ASB18: variants seen among roughly 807,000 people sequenced by gnomAD.
ASB18 encodes ankyrin repeat and SOCS box protein 18.
In ASB18, 33 loss-of-function variants were observed where a neutral mutation model predicts 33.4. The ratio of observed to expected loss-of-function variants is 0.99; its 90% CI spans 0.75 to 1.32. The LOEUF is 1.32. ASB18 is among the 40% of genes most tolerant of loss of function. ASB18 has a pLI of 0.00. For synonymous variants in ASB18, 295 were observed against 307.6 expected, an observed-to-expected ratio of 0.96 and a Z score of 0.43; for missense variants, 694 against 655.5, an observed-to-expected ratio of 1.06 and a Z score of -0.64.
At position 236,228,250 on chromosome 2, in the gene ASB18, C is replaced by T. The variant is rs1340553054; in HGVS notation, c.596+9439G>A. Among the ~76,000 whole-genome samples the T allele has an allele frequency of 1.3e-5, 2 of 152,136 alleles. No individual in the cohort carries two copies. The highest frequency in any genetic ancestry group is 4.8e-5 in the African/African-American group (2 of 41,416). On this transcript the variant is annotated intron_variant, in intron 3 of 5. Coordinates refer to ENST00000409749, the MANE Select transcript of ASB18 (RefSeq NM_212556.4). The surrounding 1 kb of genome is among the most constrained non-coding windows in gnomAD (Gnocchi z 5.1). ...GTGTCACAAGGTTGGAACTTACTCC[C>T]CAATATGATTGGCAGTATTGGATTT... is the stretch of plus-strand genomic sequence containing the variant.
At chr2:236,233,733 C>G (rs1219840025) in intron 3 of ASB18, among the ~76,000 whole-genome samples, 1 of 152,106 alleles carries the variant, frequency 6.6e-6, no homozygotes, top group Non-Finnish European at 1.5e-5. Flanking sequence ...TCCCTAAAAA[C>G]TATCAAACAC....
Position 236,221,168 on chromosome 2 carries a change from C to T in ASB18, c.597-6302G>A, listed in dbSNP as rs185030451. ...GGATATGAACTCCAGCCCCCACTAT[C>T]CAGTGGTGAATACAAGGACTCCACA... On this transcript the variant is annotated intron_variant, in intron 3 of 5. Transcript: ENST00000409749. The surrounding 1 kb of genome is among the most constrained non-coding windows in gnomAD (Gnocchi z 5.6). Among the ~76,000 whole-genome samples, 283 of 152,194 alleles carry T rather than the reference C, an allele frequency of 1.9e-3. 4 individuals carry two copies. Among genetic ancestry groups the T allele is most frequent in the Non-Finnish European group, 2.2e-3 (150 of 68,008 alleles).
rs1488425705 is a variant in ASB18, at chr2:236,228,312, A to T, written c.596+9377T>A. Among the ~76,000 whole-genome samples the T allele has an allele frequency of 1.3e-5, 2 of 150,458 alleles. No homozygotes were observed. Among genetic ancestry groups the T allele is most frequent in the Non-Finnish European group, 2.9e-5 (2 of 67,956 alleles). ...AAAGGGCCTCTGGGCTCTCAGGCTG[A>T]GGGTTCTATGAAGGGGACCCCAGCA... On this transcript the variant is annotated intron_variant, in intron 3 of 5. Transcript: ENST00000409749. This position sits in a 1 kb window ranked among gnomAD's most constrained non-coding sequence, Gnocchi z 5.1.
In ASB18 at chr2:236,264,399, C is replaced by G; in HGVS notation, c.-54G>C. On this transcript the variant is annotated 5_prime_UTR_variant, in exon 1 of 6. Coordinates refer to ENST00000409749, the MANE Select transcript of ASB18 (RefSeq NM_212556.4). This position sits in a 1 kb window ranked among gnomAD's most constrained non-coding sequence, Gnocchi z 5.1. ...CTTCTTTTCTTCCTCTAAAGCGACTCCAAAGTCAGCAGCTGTCCGTGAGAG... is the reference window on the plus strand; with the variant it reads ...CTTCTTTTCTTCCTCTAAAGCGACTGCAAAGTCAGCAGCTGTCCGTGAGAG... The G allele has an allele frequency of 6.6e-7, 1 of 1,503,830 alleles. No individual in the cohort carries two copies. Among genetic ancestry groups the G allele is most frequent in the Non-Finnish European group, 9.2e-7 (1 of 1,081,976 alleles). The allele number at this position is 1,503,830 out of a possible 1,614,324, so 93.2% of individuals were successfully genotyped here. A position where few individuals can be genotyped will look rare whatever the true frequency, so the allele number is the denominator to read the frequency against.
Position 236,214,965 on chromosome 2 carries a change from GAA to G in ASB18, c.597-101_597-100del. On this transcript the variant is annotated intron_variant, in intron 3 of 5. Transcript: ENST00000409749. This position sits in a 1 kb window ranked among gnomAD's most constrained non-coding sequence, Gnocchi z 6.5. ...GCAAAATATCAAGTGACCTCTGAATGAAAAGACATGCTCCGCTCTCCCATACC... is the reference window on the plus strand; with the variant it reads ...GCAAAATATCAAGTGACCTCTGAATGAAGACATGCTCCGCTCTCCCATACC... 1 of 871,960 alleles carries G rather than the reference GAA, an allele frequency of 1.1e-6. No homozygotes were observed. The highest frequency in any genetic ancestry group is 1.4e-6 in the Non-Finnish European group (1 of 695,678). The allele number at this position is 871,960 out of a possible 1,614,324, so 54.0% of individuals were successfully genotyped here.
Position 236,256,962 on chromosome 2 carries a change from C to T in ASB18, c.205+7179G>A, listed in dbSNP as rs2060695454. Among the ~76,000 whole-genome samples the T allele has an allele frequency of 6.6e-6, 1 of 152,202 alleles. No individual in the cohort carries two copies. Among genetic ancestry groups the T allele is most frequent in the East Asian group, 1.9e-4 (1 of 5,184 alleles). On this transcript the variant is annotated intron_variant, in intron 1 of 5. Transcript: ENST00000409749. The surrounding 1 kb of genome is among the most constrained non-coding windows in gnomAD (Gnocchi z 4.7). The stretch of plus-strand genomic sequence containing the variant: ...ATTCTAGGTGGTGGGAGATATTTTT[C>T]TGTATTTAAAGAGAGGGCTGCTGCA...
In ASB18 at chr2:236,217,983, C is replaced by A. The variant is rs1181604563; in HGVS notation, c.597-3117G>T. On this transcript the variant is annotated intron_variant, in intron 3 of 5. Transcript: ENST00000409749. This position sits in a 1 kb window ranked among gnomAD's most constrained non-coding sequence, Gnocchi z 5.2. ...GCCTGTGTGCACTTGCAAACAATTACAAAACATTTTCTTCTTTTTAAAGAA... is the reference window on the plus strand; with the variant it reads ...GCCTGTGTGCACTTGCAAACAATTAAAAAACATTTTCTTCTTTTTAAAGAA... Among the ~76,000 whole-genome samples the A allele has an allele frequency of 1.3e-5, 2 of 152,204 alleles. No homozygotes were observed. The highest frequency in any genetic ancestry group is 2.4e-5 in the African/African-American group (1 of 41,456).
rs1415658179 is a variant in ASB18, at chr2:236,222,547, G to A, written c.597-7681C>T. On this transcript the variant is annotated intron_variant, in intron 3 of 5. Coordinates refer to ENST00000409749, the MANE Select transcript of ASB18 (RefSeq NM_212556.4). The surrounding 1 kb of genome is among the most constrained non-coding windows in gnomAD (Gnocchi z 5.5). ...GCTCCACTGTGTGCCCCATGATATA[G>A]TTTGGATATTTATCACTGCTGAAAT... Among the ~76,000 whole-genome samples the A allele has an allele frequency of 6.6e-6, 1 of 152,186 alleles. No individual in the cohort carries two copies. The highest frequency in any genetic ancestry group is 1.5e-5 in the Non-Finnish European group (1 of 68,038).
rs1012544391 is a variant in ASB18, at chr2:236,200,647, C to G, written c.1102-4262G>C. On this transcript the variant is annotated intron_variant, in intron 4 of 5. Transcript: ENST00000409749. This position sits in a 1 kb window ranked among gnomAD's most constrained non-coding sequence, Gnocchi z 4.2. The stretch of plus-strand genomic sequence containing the variant: ...TCCTGCTGCCGGGACACCCCACTGG[C>G]TATACCCAGCTGGAAGGCAGAGGGC... Among the ~76,000 whole-genome samples, 3 of 152,188 alleles carry G rather than the reference C, an allele frequency of 2.0e-5. No homozygotes were observed. Among genetic ancestry groups the G allele is most frequent in the Non-Finnish European group, 4.4e-5 (3 of 68,030 alleles).
chr2:236,225,148 G>A lies in ASB18; in HGVS notation c.597-10282C>T, dbSNP rs1378670098. 6.6e-6 allele frequency among the ~76,000 whole-genome samples: 1 copy of A among 152,082 alleles called. No homozygotes were observed. The highest frequency in any genetic ancestry group is 1.5e-5 in the Non-Finnish European group (1 of 68,028). ...TTATTTTTTGTTTTTTTAAGACAGAGTCTCACTCTGTCACTCAGGTTGCAG... is the reference window on the plus strand; with the variant it reads ...TTATTTTTTGTTTTTTTAAGACAGAATCTCACTCTGTCACTCAGGTTGCAG... On this transcript the variant is annotated intron_variant, in intron 3 of 5. Transcript: ENST00000409749. This position sits in a 1 kb window ranked among gnomAD's most constrained non-coding sequence, Gnocchi z 5.1.
At position 236,239,025 on chromosome 2, in the gene ASB18, C is replaced by T. The variant is rs867192106; in HGVS notation, c.329-1069G>A. 5.3e-5 allele frequency among the ~76,000 whole-genome samples: 8 copies of T among 152,228 alleles called. No homozygotes were observed. The South Asian group carries it at 1.0e-3, about 20-fold the overall frequency. ...TGTGCACTCAGTGGGGGAAGGGGGG[C>T]CTGTGGGACTGGCATGGAATGGTGG... On this transcript the variant is annotated intron_variant, in intron 2 of 5. Transcript: ENST00000409749. This position sits in a 1 kb window ranked among gnomAD's most constrained non-coding sequence, Gnocchi z 5.6.
Position 236,228,603 on chromosome 2 carries a change from G to A in ASB18, c.596+9086C>T, listed in dbSNP as rs1465233628. Among the ~76,000 whole-genome samples the A allele has an allele frequency of 6.6e-6, 1 of 152,160 alleles. No individual in the cohort carries two copies. Among genetic ancestry groups the A allele is most frequent in the Non-Finnish European group, 1.5e-5 (1 of 68,038 alleles). On this transcript the variant is annotated intron_variant, in intron 3 of 5. Coordinates refer to ENST00000409749, the MANE Select transcript of ASB18 (RefSeq NM_212556.4). The surrounding 1 kb of genome is among the most constrained non-coding windows in gnomAD (Gnocchi z 5.1). The stretch of plus-strand genomic sequence containing the variant: ...TGTGTGCATAGAGGTTGAGAGTGTG[G>A]GCTGGTGGATTTCTACCAGAAAGTT...
intron 4 of ASB18, among the ~76,000 whole-genome samples, chr2:236,198,993 C>T (rs1289423023): frequency 3.3e-5 from 5 of 152,156 alleles, no homozygotes; most frequent in Non-Finnish European, 7.3e-5. Context: ...ATAAATATAA[C>T]CTTGAACATT....
Position 236,217,619 on chromosome 2 carries a change from A to T in ASB18, c.597-2753T>A, listed in dbSNP as rs1338737623. Among the ~76,000 whole-genome samples, 4 of 151,896 alleles carry T rather than the reference A, an allele frequency of 2.6e-5. No homozygotes were observed. ...CTGCTTTTCCTACTATATTAACCTA[A>T]CTGGGGCTCTGAACAAGATCATCCA... On this transcript the variant is annotated intron_variant, in intron 3 of 5. Transcript: ENST00000409749. This position sits in a 1 kb window ranked among gnomAD's most constrained non-coding sequence, Gnocchi z 5.2.
intron 2 of ASB18, among the ~76,000 whole-genome samples, chr2:236,240,073 G>A (rs1015917753): frequency 6.6e-6 from 1 of 152,262 alleles, no homozygotes; most frequent in African/African-American, 2.4e-5. Context: ...GGGAGGGAAG[G>A]AGGAAACTGA....
In ASB18 at chr2:236,238,569, C is replaced by T. The variant is rs964279875; in HGVS notation, c.329-613G>A. ...AAGCACACTTTGATGTGGTGGTCCA[C>T]ATTCAGCACAATCCTGGTTTGTTTC... On this transcript the variant is annotated intron_variant, in intron 2 of 5. Transcript: ENST00000409749. This position sits in a 1 kb window ranked among gnomAD's most constrained non-coding sequence, Gnocchi z 5.2. Among the ~76,000 whole-genome samples the T allele has an allele frequency of 6.6e-6, 1 of 151,820 alleles. No homozygotes were observed. Among genetic ancestry groups the T allele is most frequent in the Non-Finnish European group, 1.5e-5 (1 of 68,012 alleles).
chr2:236,218,196 C>T (rs984183307), intron 3 of ASB18, among the ~76,000 whole-genome samples: 3 of 152,174 alleles, frequency 2.0e-5, no homozygotes, highest in South Asian at 4.1e-4. Flanking sequence ...GACACTGGCC[C>T]ACCCTCTGGA....
chr2:236,226,726 TG>T lies in ASB18; in HGVS notation c.596+10962del, dbSNP rs1024054835. Among the ~76,000 whole-genome samples the T allele has an allele frequency of 5.3e-5, 8 of 152,234 alleles. No individual in the cohort carries two copies. Among genetic ancestry groups the T allele is most frequent in the Admixed American group, 1.3e-4 (2 of 15,284 alleles). ...TTTTGTGTTTATTTTGTGCTATGAT[TG>T]GGTGCTGCATTCTGATTTCTTAGTA... On this transcript the variant is annotated intron_variant, in intron 3 of 5. Coordinates refer to ENST00000409749, the MANE Select transcript of ASB18 (RefSeq NM_212556.4). This position sits in a 1 kb window ranked among gnomAD's most constrained non-coding sequence, Gnocchi z 4.8.
Position 236,229,575 on chromosome 2 carries a change from C to G in ASB18, c.596+8114G>C, listed in dbSNP as rs1227534749. ...AAAGAAAACTTGCCTGGCATGGTGG[C>G]TCACACCTCTAATCCCAGCACTTTG... On this transcript the variant is annotated intron_variant, in intron 3 of 5. Coordinates refer to ENST00000409749, the MANE Select transcript of ASB18 (RefSeq NM_212556.4). The surrounding 1 kb of genome is among the most constrained non-coding windows in gnomAD (Gnocchi z 5.2). Among the ~76,000 whole-genome samples, 1 of 152,150 alleles carries G rather than the reference C, an allele frequency of 6.6e-6. No individual in the cohort carries two copies. The highest frequency in any genetic ancestry group is 2.4e-5 in the African/African-American group (1 of 41,436).
Sources: gnomAD v4.1 joint callset for allele counts (sites outside exome capture counted in the v4.1 genomes callset) on GRCh38, gnomAD v4.1.1 for gene constraint, Gnocchi (gnomAD v3.1) non-coding constraint, MANE v1.5 for transcripts, NCBI Gene and HGNC (gene_info 2026-07-23, HGNC 2026-07-21) for gene names.